The following MEF2D variants were observed in gnomAD, a reference collection of about 807,000 sequenced individuals.
MEF2D encodes myocyte enhancer factor 2D.
Under a neutral mutation model 59.3 loss-of-function variants are expected in MEF2D, and 10 were observed. The ratio of observed to expected loss-of-function variants is 0.17; its 90% CI spans 0.10 to 0.29. The LOEUF is 0.29. Among genes scored for constraint, MEF2D ranks in the 10% least tolerant of loss-of-function variants. The pLI is 1.00. For synonymous variants in MEF2D, 305 were observed against 295.0 expected, an observed-to-expected ratio of 1.03 and a Z score of -0.35; for missense variants, 508 against 699.4, an observed-to-expected ratio of 0.73 and a Z score of 3.09.
intron 1 of MEF2D, among the ~76,000 whole-genome samples, chr1:156,498,101 T>TAAAAAAAAAAAAAAAAA (rs5777987): frequency 1.8e-5 from 1 of 56,032 alleles, no homozygotes; most frequent in African/African-American, 7.7e-5. Context: ...CAGGAAAGAT[T>TAAAAAAAAAAAAAAAAA]AAAAAAAAAA....
At chr1:156,487,183 C>G (rs2102193129) in intron 1 of MEF2D, among the ~76,000 whole-genome samples, 1 of 152,248 alleles carries the variant, frequency 6.6e-6, no homozygotes, top group East Asian at 1.9e-4. Flanking sequence ...CCCCCCCCAC[C>G]CCCGCCTCAT....
chr1:156,488,358 C>T (rs1034715578), intron 1 of MEF2D, among the ~76,000 whole-genome samples: 1 of 152,120 alleles, frequency 6.6e-6, no homozygotes, highest in Admixed American at 6.5e-5. Context: ...GGAGCAGATG[C>T]CCAGAGAGGG....
At chr1:156,496,699 G>C (rs151311141) in intron 1 of MEF2D, among the ~76,000 whole-genome samples, 34 of 152,288 alleles carry the variant, frequency 2.2e-4, no homozygotes, top group Middle Eastern at 3.4e-3. Context: ...ACCTCCCGCA[G>C]TGCAGCAGCT....
chr1:156,478,065 G>T (rs954930082), intron 6 of MEF2D, among the ~76,000 whole-genome samples: 1 of 152,226 alleles, frequency 6.6e-6, no homozygotes, highest in African/African-American at 2.4e-5. Flanking sequence ...GGGCCACACA[G>T]CTGGCTGGAG....
chr1:156,487,309 T>C (rs1314375607), intron 1 of MEF2D, among the ~76,000 whole-genome samples: 1 of 152,226 alleles, frequency 6.6e-6, no homozygotes, highest in Admixed American at 6.5e-5. Context: ...AGGCCCCATC[T>C]ATCCCCACTC....
chr1:156,483,489 T>C, intron 1 of MEF2D, 59 bp from the exon 2 acceptor site: 1 of 592,462 alleles, frequency 1.7e-6, no homozygotes, highest in Non-Finnish European at 3.0e-6. Flanking sequence ...CCCTGCTCCC[T>C]GGGCACACAG....
At chr1:156,500,220 C>A (rs2102312160) in intron 1 of MEF2D, among the ~76,000 whole-genome samples, 1 of 152,228 alleles carries the variant, frequency 6.6e-6, no homozygotes, top group Non-Finnish European at 1.5e-5. Flanking sequence ...TCCGCCCGTC[C>A]CCACCCCGTA....
intron 4 of MEF2D, chr1:156,480,582 A>G: frequency 1.3e-6 from 2 of 1,490,962 alleles, no homozygotes; most frequent in East Asian, 2.5e-5. Flanking sequence ...GGCAGCCGAG[A>G]GCCAGGGCGC....
intron 1 of MEF2D, among the ~76,000 whole-genome samples, chr1:156,498,716 G>C (rs67552730): frequency 1.3e-5 from 2 of 152,032 alleles, no homozygotes; most frequent in African/African-American, 4.8e-5. Context: ...GGGGGCAGGG[G>C]AGTTACAACA....
At chr1:156,489,547 A>C (rs1263554606) in intron 1 of MEF2D, among the ~76,000 whole-genome samples, 2 of 152,018 alleles carry the variant, frequency 1.3e-5, no homozygotes, top group Non-Finnish European at 2.9e-5. Flanking sequence ...CACAGAGACA[A>C]AGATTCAGAG....
chr1:156,470,009 C>T (rs139487708), intron 9 of MEF2D, among the ~76,000 whole-genome samples: 64 of 152,344 alleles, frequency 4.2e-4, no homozygotes, highest in African/African-American at 1.4e-3. Flanking sequence ...GCAAGGGTAC[C>T]ATGCCGGGAG....
Position 156,467,999 on chromosome 1 carries a change from A to AC in MEF2D, c.1547_1548insG (p.Asp516GlufsTer22). On this transcript the variant is annotated frameshift_variant, in exon 11 of 12. Transcript: ENST00000348159. LOFTEE classifies it high-confidence loss of function. The stretch of plus-strand genomic sequence containing the variant: ...AGAGGTGATGCTACAGTACCCAGGT[A>AC]TCAAGCCGCATCCTCTTCACAGCTG... 1 of 1,611,664 alleles carries AC rather than the reference A, an allele frequency of 6.2e-7. No individual in the cohort carries two copies. The highest frequency in any genetic ancestry group is 8.5e-7 in the Non-Finnish European group (1 of 1,179,286).
Position 156,482,515 on chromosome 1 carries a change from G to A in MEF2D, c.180C>T (p.Thr60=), listed in dbSNP as rs147513428. The A allele has an allele frequency of 1.2e-4, 189 of 1,614,224 alleles. No homozygotes were observed. The highest frequency in any genetic ancestry group is 3.5e-4 in the African/African-American group (26 of 75,048). The change falls in exon 3 of 12, where the codon ACC becomes ACT. Residue 60 remains threonine, a synonymous_variant. Transcript: ENST00000348159. ...HSNKLFQYAS[T]DMDKVLLKYT... ...ACTTGAGCAGCACCTTGTCCATGTC[G>A]GTGCTGGCGTACTGGAACAGCTTGT...
In MEF2D at chr1:156,464,771, T is replaced by C. The variant is rs1229781935; in HGVS notation, c.*2874A>G. ...GAAAGGACACTGAAACATCCACACA[T>C]GGTAATCAAAAGCCAGGTTTGCCTT... is the stretch of plus-strand genomic sequence containing the variant. On this transcript the variant is annotated 3_prime_UTR_variant, in exon 12 of 12. Transcript: ENST00000348159. 6.6e-6 allele frequency: 1 copy of C among 152,058 alleles called. No homozygotes were observed. Among genetic ancestry groups the C allele is most frequent in the Non-Finnish European group, 1.5e-5 (1 of 68,010 alleles). The allele number at this position is 152,058 out of a possible 1,614,324, so 9.4% of individuals were successfully genotyped here. A position where few individuals can be genotyped will look rare whatever the true frequency, so the allele number is the denominator to read the frequency against.
chr1:156,471,732 C>T (rs910541309), intron 9 of MEF2D, among the ~76,000 whole-genome samples: 2 of 152,246 alleles, frequency 1.3e-5, no homozygotes, highest in African/African-American at 2.4e-5. Context: ...TACCCCCAGC[C>T]GGAACTTGAA....
intron 1 of MEF2D, among the ~76,000 whole-genome samples, chr1:156,494,319 C>G (rs774291201): frequency 6.6e-6 from 1 of 152,062 alleles, no homozygotes; most frequent in Non-Finnish European, 1.5e-5. Flanking sequence ...TGGGCTCTCC[C>G]CGTATTCTTT....
intron 6 of MEF2D, 76 bp from the exon 7 acceptor site, chr1:156,477,278 A>G: frequency 1.6e-6 from 2 of 1,281,592 alleles, no homozygotes; most frequent in Non-Finnish European, 1.1e-6. Context: ...CCCCACACCA[A>G]TACTCCTGTT....
At chr1:156,480,342 TC>T (rs931068869) in intron 4 of MEF2D, among the ~76,000 whole-genome samples, 4 of 151,878 alleles carry the variant, frequency 2.6e-5, no homozygotes, top group Admixed American at 1.3e-4. Context: ...AGCAGGCCTC[TC>T]CCCCCAAAAA....
At chr1:156,473,207 G>C (rs1671350716) in intron 9 of MEF2D, among the ~76,000 whole-genome samples, 1 of 150,678 alleles carries the variant, frequency 6.6e-6, no homozygotes, top group Admixed American at 6.6e-5. Flanking sequence ...TAGTAGAGAT[G>C]GGGTTTCACC....
Sources: gnomAD v4.1 joint callset for allele counts (sites outside exome capture counted in the v4.1 genomes callset) on GRCh38, gnomAD v4.1.1 for gene constraint, MANE v1.5 for transcripts, NCBI Gene and HGNC (gene_info 2026-07-23, HGNC 2026-07-21) for gene names.